ACTR3C: variants seen among roughly 807,000 people sequenced by gnomAD.
The protein encoded by ACTR3C is actin-related protein 3C.
In ACTR3C, 18 loss-of-function variants were observed where a neutral mutation model predicts 26.3. The ratio of observed to expected loss-of-function variants is 0.68; its 90% CI spans 0.47 to 1.01. ACTR3C has a LOEUF of 1.01. Ranked by LOEUF, ACTR3C falls within the 50% of genes least tolerant of loss-of-function variation. The pLI is 0.00. For missense variants in ACTR3C, 184 were observed against 250.7 expected (o/e 0.73, Z 1.80); for synonymous variants, 55 against 94.5 (o/e 0.58, Z 2.42).
chr7:149,914,473 G>T, the ACTR3C span, among the ~76,000 whole-genome samples: 1 of 151,840 alleles, frequency 6.6e-6, no homozygotes, highest in African/African-American at 2.4e-5. Flanking sequence ...CGTGCCTGCA[G>T]TCCCAGCTAC....
intron 1 of ACTR3C, among the ~76,000 whole-genome samples, chr7:150,317,338 C>T (rs1227479499): frequency 6.6e-6 from 1 of 152,198 alleles, no homozygotes; most frequent in Non-Finnish European, 1.5e-5. Flanking sequence ...CAGGTGTAGG[C>T]CACTGCGCCC....
chr7:150,114,239 T>G, the ACTR3C span, among the ~76,000 whole-genome samples: 1 of 152,290 alleles, frequency 6.6e-6, no homozygotes, highest in Non-Finnish European at 1.5e-5. Context: ...CGGCAGGATT[T>G]TCATGGTCCT....
chr7:150,044,594 TC>T, the ACTR3C span, among the ~76,000 whole-genome samples: 1 of 152,214 alleles, frequency 6.6e-6, no homozygotes, highest in Non-Finnish European at 1.5e-5. Flanking sequence ...TTCTAGCCAT[TC>T]TATCTCCGCA....
At chr7:150,035,166 G>C in the ACTR3C span, among the ~76,000 whole-genome samples, 1 of 138,834 alleles carries the variant, frequency 7.2e-6, no homozygotes, top group South Asian at 2.3e-4. Flanking sequence ...CTAAGCCAGG[G>C]GGGGAAGAGG....
chr7:149,940,025 T>C, the ACTR3C span, among the ~76,000 whole-genome samples: 1 of 119,690 alleles, frequency 8.4e-6, no homozygotes, highest in Admixed American at 9.1e-5. Context: ...ATGGGGCACA[T>C]GTTTGCTTAA....
chr7:149,918,045 C>T, the ACTR3C span, among the ~76,000 whole-genome samples: 141,858 of 152,176 alleles, frequency 0.93, 66,958 homozygotes, highest in East Asian at 1. Flanking sequence ...CCTTGGCTTG[C>T]TGCATAGAAA....
the ACTR3C span, among the ~76,000 whole-genome samples, chr7:150,105,851 G>A: frequency 6.6e-6 from 1 of 151,896 alleles, no homozygotes; most frequent in Non-Finnish European, 1.5e-5. Context: ...TTATCTGTAG[G>A]GACATTTTAT....
chr7:150,309,743 G>T (rs1796132819), intron 1 of ACTR3C, among the ~76,000 whole-genome samples: 1 of 152,202 alleles, frequency 6.6e-6, no homozygotes, highest in Non-Finnish European at 1.5e-5. Flanking sequence ...TAATATCACA[G>T]CCACTTCTAG....
the ACTR3C span, chr7:150,002,516 G>A: frequency 6.6e-6 from 1 of 152,208 alleles, no homozygotes; most frequent in Non-Finnish European, 1.5e-5. Flanking sequence ...GCCGCGTGTT[G>A]ATGGGAACGT....
At chr7:150,165,462 T>C in the ACTR3C span, among the ~76,000 whole-genome samples, 116 of 151,588 alleles carry the variant, frequency 7.7e-4, no homozygotes, top group Non-Finnish European at 7.4e-5. Context: ...TGCAGGACTT[T>C]TTGTTTATGT....
At chr7:150,130,969 G>T in the ACTR3C span, among the ~76,000 whole-genome samples, 1 of 152,298 alleles carries the variant, frequency 6.6e-6, no homozygotes, top group South Asian at 2.1e-4. Flanking sequence ...GATTTCCGAG[G>T]GCTGGGGTGT....
chr7:150,063,339 G>T, the ACTR3C span, among the ~76,000 whole-genome samples: 2 of 151,646 alleles, frequency 1.3e-5, no homozygotes, highest in Middle Eastern at 3.4e-3. Flanking sequence ...CTGCCATGAG[G>T]TCCTGGGAAA....
chr7:150,063,434 C>T, the ACTR3C span, among the ~76,000 whole-genome samples: 34 of 151,344 alleles, frequency 2.2e-4, 4 homozygotes, highest in African/African-American at 7.6e-4. Context: ...GAATATAAAC[C>T]AACTGAACTC....
chr7:150,230,168 T>C, the ACTR3C span, among the ~76,000 whole-genome samples: 2 of 151,842 alleles, frequency 1.3e-5, no homozygotes, highest in Non-Finnish European at 2.9e-5. Flanking sequence ...GAGCTTGCAG[T>C]GAGCTGTGAT....
the ACTR3C span, among the ~76,000 whole-genome samples, chr7:149,914,123 A>G: frequency 5.0e-4 from 76 of 151,558 alleles, no homozygotes; most frequent in Non-Finnish European, 1.0e-3. Context: ...TCTTGGGCTC[A>G]AGGGATCCTC....
chr7:149,918,307 G>T, the ACTR3C span, among the ~76,000 whole-genome samples: 2 of 151,608 alleles, frequency 1.3e-5, no homozygotes, highest in East Asian at 3.9e-4. Flanking sequence ...TTAAATGATG[G>T]ACTAAACATA....
chr7:150,206,528 C>T, the ACTR3C span, among the ~76,000 whole-genome samples: 5 of 152,156 alleles, frequency 3.3e-5, no homozygotes, highest in African/African-American at 1.2e-4. Context: ...ATTCCCTTGC[C>T]TCAGCCTCCT....
the ACTR3C span, among the ~76,000 whole-genome samples, chr7:150,223,990 T>G: frequency 6.6e-6 from 1 of 152,328 alleles, no homozygotes; most frequent in Admixed American, 6.5e-5. Flanking sequence ...TTGTTGCCAC[T>G]GGTCAGAGGA....
the ACTR3C span, among the ~76,000 whole-genome samples, chr7:150,198,463 C>T: frequency 1.3e-3 from 188 of 139,312 alleles, 1 homozygote; most frequent in Non-Finnish European, 2.4e-3. Context: ...GGCCGCCCAT[C>T]GTCTGAGATG....
Sources: allele counts gnomAD v4.1 joint callset (sites outside exome capture counted in the v4.1 genomes callset), GRCh38; gene constraint gnomAD v4.1.1; transcripts MANE v1.5; gene names NCBI Gene and HGNC (gene_info 2026-07-23, HGNC 2026-07-21).